The following DPYD variants were observed in gnomAD, a reference collection of about 807,000 sequenced individuals.
DPYD encodes dihydropyrimidine dehydrogenase [NADP(+)].
DPYD carries 109 observed loss-of-function variants against 116.2 expected under a neutral mutation model. The observed-to-expected ratio is 0.94, with a 90% CI of 0.80 to 1.10. The LOEUF (loss-of-function observed/expected upper bound fraction) is 1.10, where lower values mean the gene tolerates loss of function less well. Ranked by LOEUF, DPYD falls within the 50% of genes least tolerant of loss-of-function variation. The probability of loss-of-function intolerance (pLI) is 0.00; values close to 1 mark genes in which losing one functional copy is unlikely to be tolerated. For synonymous variants in DPYD, 440 were observed against 432.0 expected (o/e 1.02, Z -0.23); for missense variants, 1,302 against 1,254.5 (o/e 1.04, Z -0.57).
chr1:97,177,967 G>A (rs1657405159), intron 20 of DPYD, among the ~76,000 whole-genome samples: 1 of 152,038 alleles, frequency 6.6e-6, no homozygotes, highest in Admixed American at 6.6e-5. Context: ...AAGGGGCAAG[G>A]GATCTCTCTG....
intron 13 of DPYD, among the ~76,000 whole-genome samples, chr1:97,490,529 C>T (rs895026135): frequency 4.1e-5 from 6 of 147,218 alleles, no homozygotes; most frequent in Non-Finnish European, 7.5e-5. Flanking sequence ...ATGTATTATT[C>T]ATATTTAGAG....
At chr1:97,849,127 T>A (rs866733750) in intron 2 of DPYD, among the ~76,000 whole-genome samples, 1 of 152,138 alleles carries the variant, frequency 6.6e-6, no homozygotes. Context: ...GATACTGAAG[T>A]CACTTAAATA....
At chr1:97,740,507 AACT>A (rs1322335520) in intron 3 of DPYD, 28 bp from the exon 4 acceptor site, 7 of 1,568,222 alleles carry the variant, frequency 4.5e-6, no homozygotes, top group Non-Finnish European at 5.3e-6. Context: ...TATGTTAAGA[AACT>A]ACAAGATAAG....
intron 14 of DPYD, among the ~76,000 whole-genome samples, chr1:97,431,440 T>C (rs1444070651): frequency 1.3e-5 from 2 of 152,160 alleles, no homozygotes; most frequent in African/African-American, 2.4e-5. Flanking sequence ...TGCTCCAATC[T>C]CTATCTTATC....
rs188122515 is a variant in DPYD at position 97,826,390 on chromosome 1, T to G, written c.233+1724A>C. Reference sequence around the variant, plus strand: ...CTTGTATTTTCCTCATTCACATCATTTTTCATTCACATTGCCTCTTTTCAG... The same window carrying G: ...CTTGTATTTTCCTCATTCACATCATGTTTCATTCACATTGCCTCTTTTCAG... On this transcript the variant is annotated intron_variant, in intron 3 of 22. Coordinates refer to ENST00000370192, the MANE Select transcript of DPYD (RefSeq NM_000110.4). Among the ~76,000 whole-genome samples the G allele has an allele frequency of 1.3e-3, 187 of 142,982 alleles. No individual in the cohort carries two copies. The Middle Eastern group carries it at 0.024, about 19-fold the overall frequency. The allele number at this position is 142,982 out of a possible 152,430, so 93.8% of individuals were successfully genotyped here. A position where few individuals can be genotyped will look rare whatever the true frequency, so the allele number is the denominator to read the frequency against.
intron 3 of DPYD, among the ~76,000 whole-genome samples, chr1:97,782,895 T>C (rs1228503798): frequency 6.6e-6 from 1 of 152,150 alleles, no homozygotes; most frequent in Non-Finnish European, 1.5e-5. Context: ...ATCAGGGTGA[T>C]ACCATGGTTC....
chr1:97,149,964 G>A (rs915908111), intron 20 of DPYD, among the ~76,000 whole-genome samples: 3 of 152,106 alleles, frequency 2.0e-5, no homozygotes, highest in Non-Finnish European at 4.4e-5. Flanking sequence ...TCTTTGTCAT[G>A]GTCAACGAGC....
intron 1 of DPYD, 122 bp from the exon 2 acceptor site, chr1:97,883,496 G>T: frequency 1.3e-6 from 1 of 748,182 alleles, no homozygotes; most frequent in Non-Finnish European, 2.2e-6. Context: ...ACCCAGGCTG[G>T]AGTGCAGTGG....
In DPYD at chr1:97,234,969, C is replaced by G; in HGVS notation, c.2325G>C (p.Leu775Phe). 7 of 1,614,004 alleles carry G rather than the reference C, an allele frequency of 4.3e-6. No individual in the cohort carries two copies. The highest frequency in any genetic ancestry group is 5.9e-6 in the Non-Finnish European group (7 of 1,179,988). The change falls in exon 19 of 23, where the codon TTG becomes TTC. Residue 775 changes from leucine to phenylalanine, a missense_variant. Leu to Phe is a conservative substitution (Grantham distance 22, BLOSUM62 0). Transcript: ENST00000370192. ...VSGTAIRPIA[L>F]RAVTSIARAL... Reference sequence around the variant, plus strand: ...CACGAGCAATGGAGGTCACAGCTCTCAAAGCAATAGGTCTGATTGCTGTCC... The same window carrying G: ...CACGAGCAATGGAGGTCACAGCTCTGAAAGCAATAGGTCTGATTGCTGTCC...
chr1:97,802,662 G>C (rs1422647192), intron 3 of DPYD, among the ~76,000 whole-genome samples: 1 of 151,794 alleles, frequency 6.6e-6, no homozygotes, highest in Admixed American at 6.6e-5. Flanking sequence ...TCCTCCCTTA[G>C]TATAGAAGTC....
At chr1:97,189,200 C>T (rs892316268) in intron 20 of DPYD, among the ~76,000 whole-genome samples, 1 of 152,082 alleles carries the variant, frequency 6.6e-6, no homozygotes, top group Non-Finnish European at 1.5e-5. Context: ...AGGAAGCAGA[C>T]TTACAAAAAT....
chr1:97,825,467 A>C (rs1178293197), intron 3 of DPYD, among the ~76,000 whole-genome samples: 2 of 152,018 alleles, frequency 1.3e-5, no homozygotes, highest in African/African-American at 2.4e-5. Context: ...CAGGACAAGA[A>C]CACCACTGTG....
In DPYD at chr1:97,287,661, C is replaced by A. The variant is rs187348014; in HGVS notation, c.2299+17598G>T. Among the ~76,000 whole-genome samples, 4 of 152,216 alleles carry A rather than the reference C, an allele frequency of 2.6e-5. No homozygotes were observed. In the South Asian group the frequency reaches 8.3e-4, roughly 32 times the overall value. ...AGCACCCCTCCCCCAGCCTCGCTGC[C>A]GCCTTGCAGTTTGATCTCAGACTGC... On this transcript the variant is annotated intron_variant, in intron 18 of 22. Coordinates refer to ENST00000370192, the MANE Select transcript of DPYD (RefSeq NM_000110.4).
At chr1:97,790,586 T>C (rs1667270164) in intron 3 of DPYD, among the ~76,000 whole-genome samples, 3 of 152,224 alleles carry the variant, frequency 2.0e-5, no homozygotes, top group Non-Finnish European at 4.4e-5. Context: ...ACATTCTATT[T>C]TTCTGCAAAA....
intron 18 of DPYD, among the ~76,000 whole-genome samples, chr1:97,271,950 T>G (rs918702377): frequency 8.5e-5 from 13 of 152,204 alleles, no homozygotes; most frequent in African/African-American, 3.1e-4. Flanking sequence ...AGCAAACTGA[T>G]ACCGTAAGTA....
intron 4 of DPYD, among the ~76,000 whole-genome samples, chr1:97,738,100 T>C (rs1380059394): frequency 6.6e-6 from 1 of 152,174 alleles, no homozygotes; most frequent in Admixed American, 6.5e-5. Context: ...TCTCTATTGT[T>C]TTAAATACAG....
At chr1:97,273,206 T>C (rs139367664) in intron 18 of DPYD, among the ~76,000 whole-genome samples, 2 of 152,140 alleles carry the variant, frequency 1.3e-5, no homozygotes, top group Non-Finnish European at 2.9e-5. Context: ...TTGCTAATAG[T>C]ATCCAGCAAA....
intron 16 of DPYD, among the ~76,000 whole-genome samples, chr1:97,336,975 T>C (rs918343243): frequency 6.6e-6 from 1 of 152,046 alleles, no homozygotes; most frequent in African/African-American, 2.4e-5. Flanking sequence ...AGGGAGATGA[T>C]TGTGAAAACG....
At chr1:97,261,874 T>C (rs1361025698) in intron 18 of DPYD, among the ~76,000 whole-genome samples, 1 of 152,052 alleles carries the variant, frequency 6.6e-6, no homozygotes, top group Non-Finnish European at 1.5e-5. Flanking sequence ...TCATGTGACT[T>C]CTACCTGATA....
Sources: gnomAD v4.1 joint callset for allele counts (sites outside exome capture counted in the v4.1 genomes callset) on GRCh38, gnomAD v4.1.1 for gene constraint, MANE v1.5 for transcripts, NCBI Gene and HGNC (gene_info 2026-07-23, HGNC 2026-07-21) for gene names.